ORMDL1: variants seen among roughly 807,000 people sequenced by gnomAD.
ORMDL1 encodes the protein ORMDL sphingolipid biosynthesis regulator 1, also known as ORM1-like protein 1.
A neutral mutation model predicts 13.0 loss-of-function variants in ORMDL1; 10 were observed. The observed-to-expected ratio is 0.77, with a 90% CI of 0.47 to 1.30. ORMDL1 has a LOEUF of 1.30. ORMDL1 is among the 50% of genes most tolerant of loss of function. The pLI is 0.00. For synonymous variants in ORMDL1, 61 were observed against 63.9 expected (o/e 0.95, Z 0.22); for missense variants, 171 against 186.7 (o/e 0.92, Z 0.49).
At chr2:189,775,813 G>T in intron 3 of ORMDL1, 97 bp from the exon 4 acceptor site, 1 of 1,213,548 alleles carries the variant, frequency 8.2e-7, no homozygotes, top group Non-Finnish European at 1.1e-6. Context: ...TTGTGAGAGT[G>T]TGTGATTTAA....
chr2:189,768,554 T>C (rs1175449806), downstream of ORMDL1, among the ~76,000 whole-genome samples: 1 of 152,214 alleles, frequency 6.6e-6, no homozygotes, highest in Admixed American at 6.5e-5. Context: ...GAAAAATGTC[T>C]TAAGAGTTTG....
At chr2:189,772,651 A>G (rs1170043681) in intron 4 of ORMDL1, among the ~76,000 whole-genome samples, 2 of 152,224 alleles carry the variant, frequency 1.3e-5, no homozygotes, top group African/African-American at 4.8e-5. Context: ...TCTGATTACT[A>G]ACAGAATAAT....
At chr2:189,773,688 C>T (rs529566491) in intron 4 of ORMDL1, among the ~76,000 whole-genome samples, 21 of 117,724 alleles carry the variant, frequency 1.8e-4, no homozygotes, top group African/African-American at 5.7e-4. Flanking sequence ...TGCCACTGCA[C>T]TCCGGCCTGG....
At chr2:189,769,809 A>C (rs1222759696), downstream of ORMDL1, among the ~76,000 whole-genome samples, 1 of 152,226 alleles carries the variant, frequency 6.6e-6, no homozygotes, top group Admixed American at 6.5e-5. Flanking sequence ...CTAGAACTCC[A>C]CAATAGTAAT....
Position 189,775,729 on chromosome 2 carries a change from C to G in ORMDL1, c.175-13G>C. On this transcript the variant is annotated splice_polypyrimidine_tract_variant and intron_variant, in intron 3 of 4. Transcript: ENST00000392349. ...ATACGTACATCCCCTGGAAAACAAG[C>G]AAGGGGTTATAAATGATCAATATTA... is the stretch of plus-strand genomic sequence containing the variant. The G allele has an allele frequency of 6.2e-7, 1 of 1,610,616 alleles. No individual in the cohort carries two copies. Among genetic ancestry groups the G allele is most frequent in the Non-Finnish European group, 8.5e-7 (1 of 1,178,678 alleles).
chr2:189,778,307 A>G (rs1352291509), intron 3 of ORMDL1: 3 of 433,908 alleles, frequency 6.9e-6, no homozygotes, highest in Admixed American at 5.0e-5. Flanking sequence ...AGGCAGGAGA[A>G]TCGCTTGAAC....
rs1018790225 is a variant in ORMDL1 at position 189,770,460 on chromosome 2, A to C, written c.*1307T>G. The stretch of plus-strand genomic sequence containing the variant: ...AATACTTTTGAGATACAAAACAATG[A>C]TCATTACCCCCAAAAGTCAGTTTAC... On this transcript the variant is annotated 3_prime_UTR_variant, in exon 5 of 5. Coordinates refer to ENST00000392349, the MANE Select transcript of ORMDL1 (RefSeq NM_016467.5). 6.6e-6 allele frequency: 1 copy of C among 152,182 alleles called. No individual in the cohort carries two copies. The highest frequency in any genetic ancestry group is 1.5e-5 in the Non-Finnish European group (1 of 68,024). 9.4% of individuals were successfully genotyped at this position (152,182 alleles called of 1,614,324 possible). A position where few individuals can be genotyped will look rare whatever the true frequency, so the allele number is the denominator to read the frequency against.
At chr2:189,778,782 C>G (rs994160018) in intron 3 of ORMDL1, among the ~76,000 whole-genome samples, 4 of 152,078 alleles carry the variant, frequency 2.6e-5, no homozygotes, top group African/African-American at 9.7e-5. Flanking sequence ...GTAGTCCCAT[C>G]TGTTCAGGAC....
chr2:189,774,757 A>C (rs1000671751), intron 4 of ORMDL1: 4 of 152,214 alleles, frequency 2.6e-5, no homozygotes, highest in South Asian at 2.1e-4. Flanking sequence ...AAAAAGGAGG[A>C]GGCATTTCAG....
intron 3 of ORMDL1, among the ~76,000 whole-genome samples, chr2:189,777,975 G>A (rs1574967443): frequency 6.6e-6 from 1 of 152,124 alleles, no homozygotes; most frequent in Non-Finnish European, 1.5e-5. Flanking sequence ...TTGCAACTCC[G>A]ATGGCTAATT....
intron 4 of ORMDL1, among the ~76,000 whole-genome samples, chr2:189,772,991 TC>T (rs769327540): frequency 4.5e-4 from 68 of 152,330 alleles, no homozygotes; most frequent in Non-Finnish European, 7.5e-4. Context: ...TGAAATTCTT[TC>T]TTCCTGTTTT....
chr2:189,773,243 A>T (rs1163063236), intron 4 of ORMDL1, among the ~76,000 whole-genome samples: 2 of 152,224 alleles, frequency 1.3e-5, no homozygotes, highest in Non-Finnish European at 2.9e-5. Flanking sequence ...GACTCTTTCA[A>T]AAACTTAGGC....
downstream of ORMDL1, among the ~76,000 whole-genome samples, chr2:189,766,974 A>G (rs1225111): frequency 0.018 from 2,765 of 152,286 alleles, 94 homozygotes; most frequent in African/African-American, 0.063. Context: ...CATTGTGTGT[A>G]TATGTCACAT....
intron 2 of ORMDL1, 83 bp downstream of exon 2, chr2:189,782,931 A>T (rs919956251): frequency 3.5e-5 from 7 of 201,032 alleles, no homozygotes; most frequent in Admixed American, 2.7e-4. Flanking sequence ...ACATTTTCTT[A>T]TATCATGAGA....
At chr2:189,776,909 T>C (rs1024860998) in intron 3 of ORMDL1, among the ~76,000 whole-genome samples, 10 of 151,846 alleles carry the variant, frequency 6.6e-5, no homozygotes, top group Non-Finnish European at 1.5e-4. Context: ...GGAAAAAAAA[T>C]GCATAAACAG....
intron 3 of ORMDL1, 22 bp downstream of exon 3, chr2:189,782,400 T>C (rs1337039553): frequency 6.3e-7 from 1 of 1,593,256 alleles, no homozygotes; most frequent in Admixed American, 1.7e-5. Flanking sequence ...TTTAAGTGTT[T>C]AGTATAATGT....
downstream of ORMDL1, among the ~76,000 whole-genome samples, chr2:189,769,100 G>C (rs1383138492): frequency 6.6e-6 from 1 of 151,970 alleles, no homozygotes; most frequent in African/African-American, 2.4e-5. Context: ...GCTAAGGTAG[G>C]GGGCCCGGCA....
At chr2:189,783,923 C>A (rs559650199) in intron 1 of ORMDL1, among the ~76,000 whole-genome samples, 1 of 152,322 alleles carries the variant, frequency 6.6e-6, no homozygotes, top group African/African-American at 2.4e-5. Flanking sequence ...CCTCCGAAGA[C>A]GGCGACCCGC....
At chr2:189,776,336 A>G (rs1392623270) in intron 3 of ORMDL1, among the ~76,000 whole-genome samples, 1 of 152,096 alleles carries the variant, frequency 6.6e-6, no homozygotes, top group Non-Finnish European at 1.5e-5. Flanking sequence ...AGTTTTAAAA[A>G]CTCAAAGCAA....
Sources: gnomAD v4.1 joint callset for allele counts (sites outside exome capture counted in the v4.1 genomes callset) on GRCh38, gnomAD v4.1.1 for gene constraint, MANE v1.5 for transcripts, NCBI Gene and HGNC (gene_info 2026-07-23, HGNC 2026-07-21) for gene names.